Variants in ZBTB8A observed in about 807,000 individuals in gnomAD.
ZBTB8A encodes the protein zinc finger and BTB domain containing 8A, also known as zinc finger and BTB domain-containing protein 8A.
Under a neutral mutation model 37.8 loss-of-function variants are expected in ZBTB8A, and 19 were observed. The observed-to-expected ratio is 0.50, with a 90% confidence interval of 0.35 to 0.74. The LOEUF is 0.74. Among genes scored for constraint, ZBTB8A ranks in the 30% least tolerant of loss-of-function variants. The pLI, the probability that ZBTB8A is intolerant of heterozygous loss-of-function variation, is 0.01. For missense variants in ZBTB8A, 394 were observed against 537.8 expected, an observed-to-expected ratio of 0.73 and a Z score of 2.65; for synonymous variants, 181 against 185.2, an observed-to-expected ratio of 0.98 and a Z score of 0.19.
At chr1:32,596,658 A>G (rs1171232112) in intron 4 of ZBTB8A, among the ~76,000 whole-genome samples, 2 of 152,030 alleles carry the variant, frequency 1.3e-5, no homozygotes, top group African/African-American at 4.8e-5. Context: ...TTTTCACACA[A>G]CTCTACCATA....
rs150497399 is a variant in ZBTB8A, at chr1:32,583,357, G to A, written c.-1-9574G>A. On this transcript the variant is annotated intron_variant, in intron 2 of 4. Transcript: ENST00000373510. ...ATTGTGCCACTGGCACTCCAGCCTG[G>A]GTGACAGAGTGAGACCCTGTCTCAA... Among the ~76,000 whole-genome samples, 1,080 of 149,504 alleles carry A rather than the reference G, an allele frequency of 7.2e-3. 16 individuals carry two copies. Among genetic ancestry groups the A allele is most frequent in the African/African-American group, 0.025 (999 of 40,248 alleles).
At chr1:32,588,859 C>T (rs1421953593) in intron 2 of ZBTB8A, among the ~76,000 whole-genome samples, 1 of 151,858 alleles carries the variant, frequency 6.6e-6, no homozygotes, top group Non-Finnish European at 1.5e-5. Context: ...TAGCATGCAC[C>T]TGTAATCCTA....
chr1:32,562,790 C>T (rs1644253662), intron 2 of ZBTB8A, among the ~76,000 whole-genome samples: 2 of 151,336 alleles, frequency 1.3e-5, no homozygotes, highest in Non-Finnish European at 1.5e-5. Context: ...ACCATGTTAG[C>T]CAGGCTGGTT....
chr1:32,603,101 T>C lies in ZBTB8A; in HGVS notation c.*2682T>C, dbSNP rs1644589580. On this transcript the variant is annotated 3_prime_UTR_variant, in exon 5 of 5. Coordinates refer to ENST00000373510, the MANE Select transcript of ZBTB8A (RefSeq NM_001040441.3). ...AGACTGGATGATGTGCATTGAGTTC[T>C]CTGTTCTCCCAACATGGCTGTTCCT... is the stretch of plus-strand genomic sequence containing the variant. The C allele has an allele frequency of 6.6e-6, 1 of 152,216 alleles. No homozygotes were observed. Among genetic ancestry groups the C allele is most frequent in the African/African-American group, 2.4e-5 (1 of 41,456 alleles). The allele number at this position is 152,216 out of a possible 1,614,324, so 9.4% of individuals were successfully genotyped here.
chr1:32,539,817 G>T (rs1644036611), intron 1 of ZBTB8A, among the ~76,000 whole-genome samples: 1 of 147,518 alleles, frequency 6.8e-6, no homozygotes, highest in Non-Finnish European at 1.5e-5. Context: ...CCGGCCCGGG[G>T]AAAGGCGGGA....
intron 1 of ZBTB8A, among the ~76,000 whole-genome samples, chr1:32,545,555 T>C (rs1644096324): frequency 6.6e-6 from 1 of 152,186 alleles, no homozygotes; most frequent in Non-Finnish European, 1.5e-5. Context: ...TGTTTCTTCT[T>C]TTTAAAATCC....
intron 2 of ZBTB8A, among the ~76,000 whole-genome samples, chr1:32,582,565 T>C (rs1442080017): frequency 1.3e-5 from 2 of 152,004 alleles, no homozygotes; most frequent in African/African-American, 4.8e-5. Context: ...GGAGAATCGC[T>C]TGAACCCGGG....
intron 2 of ZBTB8A, among the ~76,000 whole-genome samples, chr1:32,583,443 A>T (rs1294139445): frequency 1.3e-5 from 2 of 151,506 alleles, no homozygotes; most frequent in Non-Finnish European, 2.9e-5. Flanking sequence ...TCAGATGGTG[A>T]GGCATTAATA....
chr1:32,563,647 C>T (rs1287581592), intron 2 of ZBTB8A, among the ~76,000 whole-genome samples: 1 of 151,844 alleles, frequency 6.6e-6, no homozygotes, highest in Non-Finnish European at 1.5e-5. Context: ...GTGTGTGTGT[C>T]TTTTTAGTAG....
Position 32,604,972 on chromosome 1 carries a change from G to C in ZBTB8A, c.*4553G>C, listed in dbSNP as rs566904125. On this transcript the variant is annotated 3_prime_UTR_variant, in exon 5 of 5. Coordinates refer to ENST00000373510, the MANE Select transcript of ZBTB8A (RefSeq NM_001040441.3). ...TCGAGACCATCCTGGCCAACATGGTGAAACCCCGTCTCTAGTAAAAATACA... is the reference window on the plus strand; with the variant it reads ...TCGAGACCATCCTGGCCAACATGGTCAAACCCCGTCTCTAGTAAAAATACA... 2.1e-4 allele frequency: 32 copies of C among 151,796 alleles called. No homozygotes were observed. The highest frequency in any genetic ancestry group is 1.9e-3 in the Admixed American group (29 of 15,250). 9.4% of individuals were successfully genotyped at this position (151,796 alleles called of 1,614,324 possible). A position where few individuals can be genotyped will look rare whatever the true frequency, so the allele number is the denominator to read the frequency against.
At chr1:32,569,141 G>A (rs996684040) in intron 2 of ZBTB8A, among the ~76,000 whole-genome samples, 1 of 152,086 alleles carries the variant, frequency 6.6e-6, no homozygotes, top group African/African-American at 2.4e-5. Flanking sequence ...CAGTCATTTT[G>A]TCTTTAGCCA....
chr1:32,557,058 T>C (rs1644208651), intron 2 of ZBTB8A, among the ~76,000 whole-genome samples: 1 of 152,088 alleles, frequency 6.6e-6, no homozygotes, highest in Non-Finnish European at 1.5e-5. Context: ...TCCCATCACT[T>C]TGGGAGTCCA....
At chr1:32,560,400 C>G (rs1444737518) in intron 2 of ZBTB8A, among the ~76,000 whole-genome samples, 1 of 152,060 alleles carries the variant, frequency 6.6e-6, no homozygotes, top group African/African-American at 2.4e-5. Flanking sequence ...GATGTCTCAG[C>G]CTTCAGAACT....
At chr1:32,546,060 A>G (rs1031505491) in intron 1 of ZBTB8A, among the ~76,000 whole-genome samples, 5 of 152,182 alleles carry the variant, frequency 3.3e-5, no homozygotes, top group Non-Finnish European at 4.4e-5. Context: ...AGGACCAGGT[A>G]TAGTCTGGTA....
At chr1:32,597,394 T>A (rs1411107958) in intron 4 of ZBTB8A, among the ~76,000 whole-genome samples, 1 of 152,216 alleles carries the variant, frequency 6.6e-6, no homozygotes, top group Non-Finnish European at 1.5e-5. Flanking sequence ...GACACTCAAA[T>A]TTTTAGTTTT....
chr1:32,584,023 G>T (rs561166086), intron 2 of ZBTB8A, among the ~76,000 whole-genome samples: 4 of 152,226 alleles, frequency 2.6e-5, no homozygotes, highest in Non-Finnish European at 5.9e-5. Flanking sequence ...CTCCCAAAGT[G>T]CTGGGATTAC....
intron 4 of ZBTB8A, among the ~76,000 whole-genome samples, chr1:32,598,017 G>A (rs1644546142): frequency 6.6e-6 from 1 of 151,036 alleles, no homozygotes; most frequent in African/African-American, 2.4e-5. Flanking sequence ...ACTTCCCAAA[G>A]TGCTGGGATT....
chr1:32,575,639 G>A (rs1644354315), intron 2 of ZBTB8A, among the ~76,000 whole-genome samples: 1 of 151,236 alleles, frequency 6.6e-6, no homozygotes, highest in African/African-American at 2.4e-5. Context: ...GCTTAGGGCC[G>A]GGAGTTCAAG....
intron 2 of ZBTB8A, among the ~76,000 whole-genome samples, chr1:32,559,912 G>A (rs945862649): frequency 3.3e-5 from 5 of 152,106 alleles, no homozygotes; most frequent in Admixed American, 6.6e-5. Flanking sequence ...GTACTAGTCC[G>A]TTCTTGCATT....
Sources: gnomAD v4.1 joint callset for allele counts (sites outside exome capture counted in the v4.1 genomes callset) on GRCh38, gnomAD v4.1.1 for gene constraint, MANE v1.5 for transcripts, NCBI Gene and HGNC (gene_info 2026-07-23, HGNC 2026-07-21) for gene names.